AFG1L: variants seen among roughly 807,000 people sequenced by gnomAD.
AFG1L encodes AFG1 like ATPase, also known as AFG1-like ATPase.
A neutral mutation model predicts 62.2 loss-of-function variants in AFG1L; 53 were observed. The observed-to-expected ratio is 0.85, with a 90% confidence interval of 0.68 to 1.07. The LOEUF is 1.07. Among genes scored for constraint, AFG1L ranks in the 50% least tolerant of loss-of-function variants. AFG1L has a pLI of 0.00. For synonymous variants in AFG1L, 228 were observed against 210.3 expected (o/e 1.08, Z -0.73); for missense variants, 555 against 590.5 (o/e 0.94, Z 0.62).
intron 6 of AFG1L, among the ~76,000 whole-genome samples, chr6:108,397,099 G>T (rs951051688): frequency 6.6e-6 from 1 of 152,066 alleles, no homozygotes; most frequent in Non-Finnish European, 1.5e-5. Flanking sequence ...CGTGGTCTCA[G>T]CTCACTGCAA....
At chr6:108,312,663 A>G (rs913667015) in intron 1 of AFG1L, among the ~76,000 whole-genome samples, 1 of 152,188 alleles carries the variant, frequency 6.6e-6, no homozygotes, top group South Asian at 2.1e-4. Context: ...TCCCTTTGCT[A>G]TTATCACCCT....
chr6:108,524,138 G>A lies in AFG1L; in HGVS notation c.*1713G>A, dbSNP rs1775236753. 6.6e-6 allele frequency: 1 copy of A among 152,130 alleles called. No homozygotes were observed. The highest frequency in any genetic ancestry group is 1.5e-5 in the Non-Finnish European group (1 of 68,010). The allele number at this position is 152,130 out of a possible 1,614,324, so 9.4% of individuals were successfully genotyped here. Reference sequence around the variant, plus strand: ...TCTTACTATTTAAAAAAAAGAGATTGTTTTAAAAATTGATTCATTTAACTC... The same window carrying A: ...TCTTACTATTTAAAAAAAAGAGATTATTTTAAAAATTGATTCATTTAACTC... On this transcript the variant is annotated 3_prime_UTR_variant, in exon 13 of 13. Coordinates refer to ENST00000368977, the MANE Select transcript of AFG1L (RefSeq NM_145315.5).
chr6:108,356,600 TA>T, intron 4 of AFG1L, 89 bp from the exon 5 acceptor site: 1 of 878,282 alleles, frequency 1.1e-6, no homozygotes. Flanking sequence ...ATGTCCATAC[TA>T]AAGTTTCATT....
At chr6:108,334,245 G>A (rs915481204) in intron 2 of AFG1L, among the ~76,000 whole-genome samples, 4 of 152,086 alleles carry the variant, frequency 2.6e-5, no homozygotes, top group Non-Finnish European at 5.9e-5. Context: ...GGCCTCAAAT[G>A]ATTGCCACAT....
At chr6:108,323,751 G>T in intron 1 of AFG1L, 74 bp from the exon 2 acceptor site, 2 of 1,055,414 alleles carry the variant, frequency 1.9e-6, no homozygotes, top group South Asian at 2.9e-5. Context: ...GTTTGAATTT[G>T]ACCCTTAAGA....
At chr6:108,451,200 A>C (rs1772040767) in intron 8 of AFG1L, among the ~76,000 whole-genome samples, 1 of 152,200 alleles carries the variant, frequency 6.6e-6, no homozygotes, top group Non-Finnish European at 1.5e-5. Flanking sequence ...ACCAAGCGCT[A>C]TCTCAGAATT....
intron 7 of AFG1L, among the ~76,000 whole-genome samples, chr6:108,443,405 C>T (rs1771627435): frequency 6.6e-6 from 1 of 152,156 alleles, no homozygotes; most frequent in African/African-American, 2.4e-5. Context: ...GATATTATTG[C>T]ATAGACCATT....
chr6:108,448,328 T>C (rs1013887599), intron 8 of AFG1L, among the ~76,000 whole-genome samples: 2 of 152,192 alleles, frequency 1.3e-5, no homozygotes, highest in Admixed American at 1.3e-4. Flanking sequence ...CAGTTTCTTT[T>C]ATGTTTGTGT....
intron 6 of AFG1L, among the ~76,000 whole-genome samples, chr6:108,367,916 T>A (rs977981979): frequency 1.3e-5 from 2 of 152,202 alleles, no homozygotes; most frequent in Non-Finnish European, 2.9e-5. Flanking sequence ...AATTCATTAG[T>A]GAGTCTGAAA....
intron 8 of AFG1L, among the ~76,000 whole-genome samples, chr6:108,453,945 T>C (rs572975070): frequency 1.3e-5 from 2 of 152,202 alleles, no homozygotes; most frequent in Non-Finnish European, 2.9e-5. Context: ...CATTCACCAG[T>C]GCAAGCAACT....
intron 10 of AFG1L, among the ~76,000 whole-genome samples, chr6:108,497,791 G>T (rs1008114627): frequency 1.3e-5 from 2 of 152,074 alleles, no homozygotes; most frequent in African/African-American, 4.8e-5. Flanking sequence ...TTCTGCAGGG[G>T]CTGGACTTGC....
chr6:108,370,637 A>G (rs1035428159), intron 6 of AFG1L, among the ~76,000 whole-genome samples: 2 of 152,030 alleles, frequency 1.3e-5, no homozygotes, highest in Admixed American at 1.3e-4. Flanking sequence ...GATTTGAGAG[A>G]GATTTAGGGG....
intron 10 of AFG1L, among the ~76,000 whole-genome samples, chr6:108,493,512 G>A (rs1562194201): frequency 6.6e-6 from 1 of 152,188 alleles, no homozygotes; most frequent in African/African-American, 2.4e-5. Flanking sequence ...CTTTCTGAGT[G>A]GGGGCTCTGA....
chr6:108,389,055 G>A (rs1231187722), intron 6 of AFG1L, among the ~76,000 whole-genome samples: 6 of 150,852 alleles, frequency 4.0e-5, no homozygotes, highest in Non-Finnish European at 8.9e-5. Flanking sequence ...ATGAATCTGG[G>A]TGCTCCTGTA....
At chr6:108,394,144 C>CCCTCCCCTCT in intron 6 of AFG1L, among the ~76,000 whole-genome samples, 1 of 144,366 alleles carries the variant, frequency 6.9e-6, no homozygotes, top group Non-Finnish European at 1.5e-5. Flanking sequence ...CCCTCCCCTC[C>CCCTCCCCTCT]CCTCCCCTCT....
intron 11 of AFG1L, among the ~76,000 whole-genome samples, chr6:108,513,475 A>G (rs1024642768): frequency 6.6e-6 from 1 of 152,188 alleles, no homozygotes; most frequent in Non-Finnish European, 1.5e-5. Flanking sequence ...TATCCCGCGC[A>G]TGGCTTGGAG....
At chr6:108,399,225 G>T (rs1781455770) in intron 6 of AFG1L, among the ~76,000 whole-genome samples, 1 of 114,106 alleles carries the variant, frequency 8.8e-6, no homozygotes, top group Admixed American at 1.3e-4. Context: ...GTCTCACTCT[G>T]TCGCCAGGCT....
chr6:108,448,881 G>T (rs1771927870), intron 8 of AFG1L, among the ~76,000 whole-genome samples: 1 of 152,142 alleles, frequency 6.6e-6, no homozygotes, highest in Non-Finnish European at 1.5e-5. Flanking sequence ...CAGGCACAAT[G>T]GCTCATGCCT....
chr6:108,450,546 G>T (rs1457291521), intron 8 of AFG1L, among the ~76,000 whole-genome samples: 1 of 152,036 alleles, frequency 6.6e-6, no homozygotes, highest in Admixed American at 6.6e-5. Context: ...CCATTCTATA[G>T]GTTGTCTATT....
Sources: gnomAD v4.1 joint callset for allele counts (sites outside exome capture counted in the v4.1 genomes callset) on GRCh38, gnomAD v4.1.1 for gene constraint, MANE v1.5 for transcripts, NCBI Gene and HGNC (gene_info 2026-07-23, HGNC 2026-07-21) for gene names.